The following SNX24 variants were observed in gnomAD, a reference collection of about 807,000 sequenced individuals.
SNX24 encodes the protein sorting nexin 24.
Under a neutral mutation model 28.7 loss-of-function variants are expected in SNX24, and 22 were observed. The ratio of observed to expected loss-of-function variants is 0.77; its 90% CI spans 0.55 to 1.10. The LOEUF (loss-of-function observed/expected upper bound fraction) is 1.10, where lower values mean the gene tolerates loss of function less well. SNX24 is among the 50% of genes least tolerant of loss of function. The probability of loss-of-function intolerance (pLI) is 0.00; values close to 1 mark genes in which losing one functional copy is unlikely to be tolerated. For synonymous variants in SNX24, 69 were observed against 71.5 expected (o/e 0.96, Z 0.18); for missense variants, 221 against 201.1 (o/e 1.10, Z -0.60).
At chr5:123,011,189 G>A (rs1272963479), downstream of SNX24, among the ~76,000 whole-genome samples, 1 of 151,832 alleles carries the variant, frequency 6.6e-6, no homozygotes, top group Non-Finnish European at 1.5e-5. Context: ...ACAGAGAAAG[G>A]AAACCAGAGG....
chr5:122,904,920 T>C (rs1003537219), intron 1 of SNX24, among the ~76,000 whole-genome samples: 7 of 152,312 alleles, frequency 4.6e-5, no homozygotes, highest in African/African-American at 1.7e-4. Context: ...GGCCGTCTCG[T>C]ATTTCCCCAC....
At chr5:122,965,366 T>G in intron 3 of SNX24, 1 of 437,380 alleles carries the variant, frequency 2.3e-6, no homozygotes, top group Non-Finnish European at 4.6e-6. Context: ...GGTACCTGGA[T>G]AGCCTGAGTT....
At chr5:122,919,036 A>G (rs775939401) in intron 1 of SNX24, among the ~76,000 whole-genome samples, 3 of 152,258 alleles carry the variant, frequency 2.0e-5, no homozygotes, top group Non-Finnish European at 4.4e-5. Flanking sequence ...CCAGTAGCTC[A>G]GTAATTGCTT....
At chr5:122,953,418 T>C (rs976851907) in intron 3 of SNX24, among the ~76,000 whole-genome samples, 2 of 152,006 alleles carry the variant, frequency 1.3e-5, no homozygotes, top group African/African-American at 4.8e-5. Flanking sequence ...AGCATTTAAA[T>C]AGGAAAGGTG....
intron 3 of SNX24, among the ~76,000 whole-genome samples, chr5:122,960,630 A>G (rs1335325741): frequency 6.6e-6 from 1 of 152,094 alleles, no homozygotes; most frequent in Non-Finnish European, 1.5e-5. Context: ...CAGACCCCCA[A>G]GTTCTTATTT....
At chr5:122,851,341 T>C (rs1754910187) in intron 1 of SNX24, among the ~76,000 whole-genome samples, 1 of 152,134 alleles carries the variant, frequency 6.6e-6, no homozygotes, top group African/African-American at 2.4e-5. Flanking sequence ...ATTTTTTGTA[T>C]TTTTAGTAGA....
chr5:122,889,663 GTATA>G (rs555164574), intron 1 of SNX24, among the ~76,000 whole-genome samples: 3 of 142,276 alleles, frequency 2.1e-5, no homozygotes, highest in African/African-American at 5.2e-5. Context: ...ATATATATGT[GTATA>G]TATATATGTG....
chr5:122,941,484 G>T (rs30039), intron 2 of SNX24, among the ~76,000 whole-genome samples: 117,006 of 152,082 alleles, frequency 0.77, 45,890 homozygotes, highest in East Asian at 0.99. Flanking sequence ...CCAAGACATT[G>T]CAAGTTCTCC....
chr5:122,912,732 G>C (rs1204549040), intron 1 of SNX24, among the ~76,000 whole-genome samples: 1 of 149,102 alleles, frequency 6.7e-6, no homozygotes, highest in African/African-American at 2.5e-5. Context: ...ATAATCATGT[G>C]GGTTTTTTTT....
chr5:122,936,900 G>A, intron 2 of SNX24, 83 bp downstream of exon 2: 2 of 724,928 alleles, frequency 2.8e-6, no homozygotes, highest in Non-Finnish European at 4.6e-6. Flanking sequence ...GTGGTTCTAA[G>A]ACCATTGATA....
chr5:122,864,062 T>C (rs918561103), intron 1 of SNX24, among the ~76,000 whole-genome samples: 18 of 152,210 alleles, frequency 1.2e-4, no homozygotes, highest in Non-Finnish European at 2.5e-4. Context: ...ATCCCTCCCT[T>C]TGTGGAACTT....
intron 3 of SNX24, among the ~76,000 whole-genome samples, chr5:122,992,569 C>G (rs1250047761): frequency 1.3e-5 from 2 of 152,134 alleles, no homozygotes; most frequent in Admixed American, 6.5e-5. Flanking sequence ...AATTCAACTC[C>G]CAGCTCAAGG....
At position 122,969,277 on chromosome 5, in the gene SNX24, C is replaced by T. The variant is rs553743231; in HGVS notation, c.249+23118C>T. Reference sequence around the variant, plus strand: ...TGGGGTGTAAGTGGTGGGTTATTTTCAGGCTAGATGAAGGGCCTCACTTCC... The same window carrying T: ...TGGGGTGTAAGTGGTGGGTTATTTTTAGGCTAGATGAAGGGCCTCACTTCC... On this transcript the variant is annotated intron_variant, in intron 3 of 6. Transcript: ENST00000261369. 2.0e-5 allele frequency among the ~76,000 whole-genome samples: 3 copies of T among 152,218 alleles called. No homozygotes were observed. In the East Asian group the frequency reaches 5.8e-4, roughly 29 times the overall value.
chr5:122,963,746 C>G (rs1179546053), intron 3 of SNX24, among the ~76,000 whole-genome samples: 1 of 152,206 alleles, frequency 6.6e-6, no homozygotes, highest in Non-Finnish European at 1.5e-5. Context: ...AGGAAGATCA[C>G]TACAAGTCTA....
Position 123,008,335 on chromosome 5 carries a change from A to C in SNX24, c.*586A>C. 1.0e-6 allele frequency: 1 copy of C among 977,328 alleles called. No individual in the cohort carries two copies. The highest frequency in any genetic ancestry group is 1.7e-5 in the African/African-American group (1 of 57,174). 60.5% of individuals were successfully genotyped at this position (977,328 alleles called of 1,614,324 possible). A position where few individuals can be genotyped will look rare whatever the true frequency, so the allele number is the denominator to read the frequency against. ...TTAAGATCATGGCATTTTAATTTACATTAGAGTGGAGTTGCATCATACTCA... is the reference window on the plus strand; with the variant it reads ...TTAAGATCATGGCATTTTAATTTACCTTAGAGTGGAGTTGCATCATACTCA... On this transcript the variant is annotated 3_prime_UTR_variant, in exon 7 of 7. Coordinates refer to ENST00000261369, the MANE Select transcript of SNX24 (RefSeq NM_014035.4).
At chr5:122,917,850 G>A (rs1758248877) in intron 1 of SNX24, among the ~76,000 whole-genome samples, 2 of 152,146 alleles carry the variant, frequency 1.3e-5, no homozygotes, top group East Asian at 3.9e-4. Flanking sequence ...GGAGGCCGAG[G>A]TGGGCGGATC....
At chr5:122,951,623 A>G (rs999840369) in intron 3 of SNX24, among the ~76,000 whole-genome samples, 13 of 152,218 alleles carry the variant, frequency 8.5e-5, no homozygotes, top group East Asian at 1.9e-4. Context: ...CTGAAATGAA[A>G]GTACAGAAAC....
At chr5:123,000,784 A>G (rs1331587822) in intron 4 of SNX24, among the ~76,000 whole-genome samples, 5 of 152,144 alleles carry the variant, frequency 3.3e-5, no homozygotes, top group Admixed American at 2.6e-4. Context: ...TTTACAGGGG[A>G]AAAAATCATC....
chr5:122,943,174 C>A (rs986891129), intron 2 of SNX24, among the ~76,000 whole-genome samples: 1 of 152,048 alleles, frequency 6.6e-6, no homozygotes, highest in African/African-American at 2.4e-5. Context: ...AATTCCCCTC[C>A]TTCTCTCTCC....
Sources: allele counts gnomAD v4.1 joint callset (sites outside exome capture counted in the v4.1 genomes callset), GRCh38; gene constraint gnomAD v4.1.1; transcripts MANE v1.5; gene names NCBI Gene and HGNC (gene_info 2026-07-23, HGNC 2026-07-21).